ARSK: variants seen among roughly 807,000 people sequenced by gnomAD.
ARSK encodes the protein arylsulfatase family member K.
Under a neutral mutation model 53.2 loss-of-function variants are expected in ARSK, and 37 were observed. The observed-to-expected ratio is 0.70, with a 90% CI of 0.54 to 0.92. ARSK has a LOEUF of 0.92. Among genes scored for constraint, ARSK ranks in the 40% least tolerant of loss-of-function variants. ARSK has a pLI of 0.00. For missense variants in ARSK, 613 were observed against 643.0 expected, an observed-to-expected ratio of 0.95 and a Z score of 0.51; for synonymous variants, 208 against 223.2, an observed-to-expected ratio of 0.93 and a Z score of 0.61.
intron 6 of ARSK, among the ~76,000 whole-genome samples, chr5:95,596,325 T>G (rs949745315): frequency 1.3e-5 from 2 of 152,232 alleles, no homozygotes; most frequent in African/African-American, 4.8e-5. Context: ...AAAATAGATA[T>G]AAGCAAGTAT....
chr5:95,576,886 C>A (rs946888102), intron 3 of ARSK, among the ~76,000 whole-genome samples: 1 of 152,132 alleles, frequency 6.6e-6, no homozygotes, highest in Non-Finnish European at 1.5e-5. Context: ...GGATTATTTT[C>A]TTTCTAAATT....
At chr5:95,574,559 T>C (rs1183167578) in intron 3 of ARSK, among the ~76,000 whole-genome samples, 1 of 152,216 alleles carries the variant, frequency 6.6e-6, no homozygotes, top group African/African-American at 2.4e-5. Context: ...CGATATCTCA[T>C]TATAGTTTTG....
intron 1 of ARSK, among the ~76,000 whole-genome samples, chr5:95,558,865 G>A (rs1233687952): frequency 6.6e-6 from 1 of 152,202 alleles, no homozygotes; most frequent in Non-Finnish European, 1.5e-5. Context: ...GTTTGGCCGG[G>A]CGCGGTGGCT....
intron 3 of ARSK, among the ~76,000 whole-genome samples, chr5:95,570,277 G>A (rs1379624829): frequency 6.6e-6 from 1 of 152,136 alleles, no homozygotes; most frequent in Non-Finnish European, 1.5e-5. Flanking sequence ...CCATCCCTCA[G>A]TATGCACCTG....
intron 6 of ARSK, among the ~76,000 whole-genome samples, chr5:95,593,922 C>T (rs1275776361): frequency 6.6e-6 from 1 of 152,068 alleles, no homozygotes; most frequent in African/African-American, 2.4e-5. Context: ...TCACATTTCC[C>T]TGCAGAATAT....
chr5:95,555,434 C>G lies in ARSK; in HGVS notation c.126+30C>G, dbSNP rs971058403. 10 of 1,576,704 alleles carry G rather than the reference C, an allele frequency of 6.3e-6. No individual in the cohort carries two copies. The African/African-American group carries it at 1.4e-4, about 21-fold the overall frequency. ...GTACCGCGAGGCAGGGGAGGGGCGC[C>G]CCGCTGGGGATCGGCGACCTCACCG... On this transcript the variant is annotated intron_variant, in intron 1 of 7. Coordinates refer to ENST00000380009, the MANE Select transcript of ARSK (RefSeq NM_198150.3). The surrounding 1 kb of genome is among the most constrained non-coding windows in gnomAD (Gnocchi z 4.0).
chr5:95,569,319 A>G (rs555534394), intron 3 of ARSK, among the ~76,000 whole-genome samples: 2 of 152,318 alleles, frequency 1.3e-5, no homozygotes, highest in South Asian at 4.2e-4. Flanking sequence ...TTAAGTTAAC[A>G]AAAATAGTTG....
At chr5:95,594,158 G>A (rs1392763972) in intron 6 of ARSK, among the ~76,000 whole-genome samples, 2 of 152,078 alleles carry the variant, frequency 1.3e-5, no homozygotes, top group African/African-American at 4.8e-5. Flanking sequence ...GAATACCTAT[G>A]GATGGGTCTT....
intron 6 of ARSK, among the ~76,000 whole-genome samples, chr5:95,592,139 A>G (rs17084917): frequency 0.023 from 3,500 of 152,292 alleles, 97 homozygotes; most frequent in African/African-American, 0.065. Flanking sequence ...GTTTTTGTTG[A>G]AGATACTAGA....
At position 95,603,729 on chromosome 5, in the gene ARSK, G is replaced by A; in HGVS notation, c.*203G>A. On this transcript the variant is annotated 3_prime_UTR_variant, in exon 8 of 8. Coordinates refer to ENST00000380009, the MANE Select transcript of ARSK (RefSeq NM_198150.3). Reference sequence around the variant, plus strand: ...TTGAGACCATCCTGGCCAACATGGTGAAACCCTGTCTCTACTAAAAATACA... The same window carrying A: ...TTGAGACCATCCTGGCCAACATGGTAAAACCCTGTCTCTACTAAAAATACA... The A allele has an allele frequency of 2.9e-6, 1 of 342,884 alleles. No individual in the cohort carries two copies. Among genetic ancestry groups the A allele is most frequent in the Non-Finnish European group, 5.1e-6 (1 of 195,046 alleles). The allele number at this position is 342,884 out of a possible 1,614,324, so 21.2% of individuals were successfully genotyped here.
intron 4 of ARSK, among the ~76,000 whole-genome samples, chr5:95,583,867 T>A (rs957629903): frequency 6.6e-6 from 1 of 152,218 alleles, no homozygotes; most frequent in South Asian, 2.1e-4. Flanking sequence ...TTCAATGTAA[T>A]GATATATCTC....
Position 95,555,400 on chromosome 5 carries a change from C to A in ARSK, c.122C>A (p.Ser41Tyr). 1 of 1,603,136 alleles carries A rather than the reference C, an allele frequency of 6.2e-7. No individual in the cohort carries two copies. Among genetic ancestry groups the A allele is most frequent in the Non-Finnish European group, 8.5e-7 (1 of 1,174,112 alleles). Residue 41 changes from serine to tyrosine, a missense_variant, in exon 1 of 8, where the codon TCC (serine) becomes TAC (tyrosine). Transcript: ENST00000380009. The surrounding 1 kb of genome is among the most constrained non-coding windows in gnomAD (Gnocchi z 4.0). ...AATGTGGTGCTGGTCGTGAGCGACT[C>A]CTTCGTAAGTACCGCGAGGCAGGGG... ...APNVVLVVSD[S>Y]FDGRLTFHPG...
In ARSK at chr5:95,603,787, A is replaced by G. The variant is rs111913649; in HGVS notation, c.*261A>G. 1.7e-4 allele frequency: 33 copies of G among 193,180 alleles called. No individual in the cohort carries two copies. The highest frequency in any genetic ancestry group is 7.0e-4 in the African/African-American group (30 of 42,724). The allele number at this position is 193,180 out of a possible 1,614,324, so 12.0% of individuals were successfully genotyped here. ...GCTGGGCGCGGTGGTGCACACCTAT[A>G]GTCTCAGCTACTCAGAGGCTGAGGC... On this transcript the variant is annotated 3_prime_UTR_variant, in exon 8 of 8. Coordinates refer to ENST00000380009, the MANE Select transcript of ARSK (RefSeq NM_198150.3).
intron 6 of ARSK, among the ~76,000 whole-genome samples, chr5:95,591,909 T>C (rs1278646795): frequency 6.6e-6 from 1 of 152,208 alleles, no homozygotes; most frequent in Non-Finnish European, 1.5e-5. Flanking sequence ...GTTCATAACC[T>C]TATAGATATG....
intron 1 of ARSK, among the ~76,000 whole-genome samples, chr5:95,562,851 T>C (rs898630724): frequency 2.0e-5 from 3 of 152,382 alleles, no homozygotes; most frequent in South Asian, 4.1e-4. Flanking sequence ...AATGGGCTAT[T>C]AGTAAGTTAT....
At position 95,555,550 on chromosome 5, in the gene ARSK, G is replaced by T; in HGVS notation, c.126+146G>T. On this transcript the variant is annotated intron_variant, in intron 1 of 7. Transcript: ENST00000380009. The surrounding 1 kb of genome is among the most constrained non-coding windows in gnomAD (Gnocchi z 4.0). ...ATGCAAAGAAAGAAATACATTTTAT[G>T]TGAGGCCCCGTGTACTCACACGTAC... The T allele has an allele frequency of 2.4e-6, 2 of 837,016 alleles. No individual in the cohort carries two copies. Among genetic ancestry groups the T allele is most frequent in the Non-Finnish European group, 3.5e-6 (2 of 575,624 alleles). 51.8% of individuals were successfully genotyped at this position (837,016 alleles called of 1,614,324 possible).
At position 95,566,167 on chromosome 5, in the gene ARSK, A is replaced by G. The variant is rs1466759294; in HGVS notation, c.256+40A>G. 1.9e-6 allele frequency: 3 copies of G among 1,599,900 alleles called. No homozygotes were observed. The African/African-American group carries it at 4.0e-5, about 22-fold the overall frequency. On this transcript the variant is annotated intron_variant, in intron 2 of 7. Coordinates refer to ENST00000380009, the MANE Select transcript of ARSK (RefSeq NM_198150.3). ...AATATGAATGGGAGAAAGTGGCTAC[A>G]CACTGAAAATATATTCACAGTTTAA... is the stretch of plus-strand genomic sequence containing the variant.
At chr5:95,579,371 G>C (rs1419165777) in intron 3 of ARSK, among the ~76,000 whole-genome samples, 1 of 152,202 alleles carries the variant, frequency 6.6e-6, no homozygotes, top group Non-Finnish European at 1.5e-5. Flanking sequence ...CACAGTCATG[G>C]TGGAAGGTGA....
Position 95,591,509 on chromosome 5 carries a change from T to A in ARSK, c.980T>A (p.Met327Lys). ...ATGGAACATCGACAGTTTTATAAAA[T>A]GAGCATGTACGAGGCTAGTGCACAT... ...LAMEHRQFYKMSMYEASAHVP... is the reference protein window; with the variant it reads ...LAMEHRQFYKKSMYEASAHVP... The change falls in exon 6 of 8, where the codon ATG becomes AAG. Residue 327 changes from methionine to lysine, a missense_variant. Physicochemically the swap from Met to Lys is moderately conservative, Grantham distance 95 (BLOSUM62 -1). Transcript: ENST00000380009. 1.9e-6 allele frequency: 3 copies of A among 1,614,172 alleles called. No individual in the cohort carries two copies. Among genetic ancestry groups the A allele is most frequent in the Non-Finnish European group, 2.5e-6 (3 of 1,180,012 alleles).
Sources: gnomAD v4.1 joint callset for allele counts (sites outside exome capture counted in the v4.1 genomes callset) on GRCh38, gnomAD v4.1.1 for gene constraint, Gnocchi (gnomAD v3.1) non-coding constraint, MANE v1.5 for transcripts, NCBI Gene and HGNC (gene_info 2026-07-23, HGNC 2026-07-21) for gene names.